Variants in HPSE2 observed in about 807,000 individuals in gnomAD.
The protein encoded by HPSE2 is heparanase 2 (inactive).
In HPSE2, 38 loss-of-function variants were observed where a neutral mutation model predicts 60.5. That is an observed-to-expected ratio of 0.63 (90% confidence interval 0.48 to 0.82). HPSE2 has a LOEUF of 0.82. Ranked by LOEUF, HPSE2 falls within the 40% of genes least tolerant of loss-of-function variation. The pLI, the probability that HPSE2 is intolerant of heterozygous loss-of-function variation, is 0.00. For synonymous variants in HPSE2, 295 were observed against 293.2 expected (o/e 1.01, Z -0.06); for missense variants, 713 against 740.4 (o/e 0.96, Z 0.43).
intron 3 of HPSE2, among the ~76,000 whole-genome samples, chr10:98,794,235 T>C (rs990914324): frequency 1.0e-4 from 15 of 149,162 alleles, no homozygotes; most frequent in East Asian, 1.9e-4. Flanking sequence ...GCATTATACA[T>C]TGCATTAATT....
At chr10:98,774,515 G>A (rs1425883243) in intron 3 of HPSE2, among the ~76,000 whole-genome samples, 2 of 152,144 alleles carry the variant, frequency 1.3e-5, no homozygotes, top group Non-Finnish European at 2.9e-5. Flanking sequence ...TGCACAATCA[G>A]ATCAGAAATC....
intron 9 of HPSE2, among the ~76,000 whole-genome samples, chr10:98,490,737 G>T (rs1459945284): frequency 2.6e-5 from 4 of 152,320 alleles, no homozygotes; most frequent in Admixed American, 2.0e-4. Flanking sequence ...TCCAGAGCCA[G>T]AAAGGCAAAC....
chr10:99,154,517 A>G (rs1328190224), intron 2 of HPSE2, among the ~76,000 whole-genome samples: 1 of 144,152 alleles, frequency 6.9e-6, no homozygotes, highest in Non-Finnish European at 1.5e-5. Flanking sequence ...TCATAAGTGA[A>G]GGAGAAATAA....
intron 3 of HPSE2, among the ~76,000 whole-genome samples, chr10:98,857,431 T>G (rs1056973039): frequency 1.3e-5 from 2 of 152,208 alleles, no homozygotes; most frequent in African/African-American, 4.8e-5. Flanking sequence ...AGAAACAGTA[T>G]GATCTTCTAG....
At chr10:98,522,772 C>T (rs945294414) in intron 9 of HPSE2, among the ~76,000 whole-genome samples, 1 of 152,240 alleles carries the variant, frequency 6.6e-6, no homozygotes, top group Admixed American at 6.5e-5. Flanking sequence ...GCCACCGTGT[C>T]CCGCCTTCGT....
chr10:99,274,258 A>G, the HPSE2 span, among the ~76,000 whole-genome samples: 4 of 152,100 alleles, frequency 2.6e-5, no homozygotes, highest in African/African-American at 9.7e-5. Context: ...GAGGCAGGAG[A>G]ATCGTTTGAA....
At chr10:98,571,935 C>CTTTT (rs1330514123) in intron 9 of HPSE2, among the ~76,000 whole-genome samples, 16 of 30,982 alleles carry the variant, frequency 5.2e-4, no homozygotes, top group East Asian at 0.03. Context: ...AAGAGAATTC[C>CTTTT]TTTTCTTTTT....
chr10:99,062,395 T>C (rs1341448849), intron 3 of HPSE2, among the ~76,000 whole-genome samples: 1 of 152,238 alleles, frequency 6.6e-6, no homozygotes, highest in Non-Finnish European at 1.5e-5. Flanking sequence ...GACAGAAGAA[T>C]GAAAGGTACC....
rs183509660 is a variant in HPSE2, at chr10:98,543,307, G to A, written c.1321-53111C>T. On this transcript the variant is annotated intron_variant, in intron 9 of 11. Transcript: ENST00000370552. ...AGAGTTTGTCACCACCAGGCCTGCC[G>A]TAAAAGAGCTCCCGAAGGAAGTGCT... is the stretch of plus-strand genomic sequence containing the variant. Among the ~76,000 whole-genome samples, 668 of 152,128 alleles carry A rather than the reference G, an allele frequency of 4.4e-3. 8 individuals are homozygous for A. The highest frequency in any genetic ancestry group is 0.015 in the African/African-American group (637 of 41,490).
At chr10:99,141,048 A>G (rs1845849142) in intron 3 of HPSE2, among the ~76,000 whole-genome samples, 1 of 152,222 alleles carries the variant, frequency 6.6e-6, no homozygotes. Context: ...GAAAAAAAGT[A>G]GTCTTCTAAT....
At chr10:99,264,741 C>T in the HPSE2 span, among the ~76,000 whole-genome samples, 1 of 152,102 alleles carries the variant, frequency 6.6e-6, no homozygotes, top group African/African-American at 2.4e-5. Context: ...TCAATTCATA[C>T]AAAACTGCCT....
intron 6 of HPSE2, among the ~76,000 whole-genome samples, chr10:98,674,226 T>C (rs1947579009): frequency 6.6e-6 from 1 of 152,230 alleles, no homozygotes; most frequent in Admixed American, 6.5e-5. Context: ...CACAAAACAC[T>C]AATGTGCATG....
At chr10:98,571,258 C>T (rs623237) in intron 9 of HPSE2, among the ~76,000 whole-genome samples, 129,091 of 152,078 alleles carry the variant, frequency 0.85, 56,067 homozygotes, top group East Asian at 1. Context: ...AATCTCAGCA[C>T]TTTGGGAGGC....
intron 3 of HPSE2, among the ~76,000 whole-genome samples, chr10:99,132,195 G>GAAAGAAAGAAAGAAAGAAAGAC (rs1564832790): frequency 1.4e-4 from 2 of 14,136 alleles, no homozygotes; most frequent in African/African-American, 3.0e-4. Context: ...GAAAGAAAGA[G>GAAAGAAAGAAAGAAAGAAAGAC]AGAGAGAGAG....
intron 9 of HPSE2, among the ~76,000 whole-genome samples, chr10:98,563,245 A>T (rs896367573): frequency 6.6e-6 from 1 of 152,258 alleles, no homozygotes; most frequent in African/African-American, 2.4e-5. Flanking sequence ...AAAAAAATGA[A>T]GTATAAGCAC....
chr10:98,994,096 T>G (rs1447448660), intron 3 of HPSE2, among the ~76,000 whole-genome samples: 1 of 152,190 alleles, frequency 6.6e-6, no homozygotes, highest in Non-Finnish European at 1.5e-5. Context: ...TGCCTGTATT[T>G]AAACTCTTAA....
In HPSE2 at chr10:98,800,977, C is replaced by CA. The variant is rs373297710; in HGVS notation, c.611-56922dup. On this transcript the variant is annotated intron_variant, in intron 3 of 11. Coordinates refer to ENST00000370552, the MANE Select transcript of HPSE2 (RefSeq NM_021828.5). ...TGATTATTCATGCAAAAATCCTCAA[C>CA]AAAATACTAGCAACCTAAATTCAAC... Among the ~76,000 whole-genome samples, 267 of 152,194 alleles carry CA rather than the reference C, an allele frequency of 1.8e-3. 4 individuals are homozygous for CA. Among genetic ancestry groups the CA allele is most frequent in the African/African-American group, 6.2e-3 (256 of 41,538 alleles).
At chr10:98,976,519 G>A (rs540760507) in intron 3 of HPSE2, among the ~76,000 whole-genome samples, 2 of 152,116 alleles carry the variant, frequency 1.3e-5, no homozygotes, top group African/African-American at 2.4e-5. Context: ...GGGGATGGGA[G>A]CTGCATATTA....
intron 5 of HPSE2, among the ~76,000 whole-genome samples, chr10:98,695,207 A>C (rs1315831725): frequency 1.3e-5 from 2 of 152,096 alleles, no homozygotes; most frequent in African/African-American, 4.8e-5. Context: ...AGAGGAAAAG[A>C]AGAAGGGGAA....
Sources: allele counts gnomAD v4.1 joint callset (sites outside exome capture counted in the v4.1 genomes callset), GRCh38; gene constraint gnomAD v4.1.1; transcripts MANE v1.5; gene names NCBI Gene and HGNC (gene_info 2026-07-23, HGNC 2026-07-21).